Variants in ARFGEF2 observed in about 807,000 individuals in gnomAD.
ARFGEF2 encodes the protein brefeldin A-inhibited guanine nucleotide-exchange protein 2.
ARFGEF2 carries 74 observed loss-of-function variants against 219.9 expected under a neutral mutation model. That is an observed-to-expected ratio of 0.34 (90% confidence interval 0.28 to 0.41). ARFGEF2 has a LOEUF of 0.41. Among genes scored for constraint, ARFGEF2 ranks in the 10% least tolerant of loss-of-function variants. The pLI is 1.00. For missense variants in ARFGEF2, 1,743 were observed against 2,218.3 expected, an observed-to-expected ratio of 0.79 and a Z score of 4.30; for synonymous variants, 733 against 799.2, an observed-to-expected ratio of 0.92 and a Z score of 1.40.
intron 14 of ARFGEF2, among the ~76,000 whole-genome samples, chr20:48,978,076 G>A (rs913473358): frequency 6.6e-6 from 1 of 152,174 alleles, no homozygotes; most frequent in Non-Finnish European, 1.5e-5. Flanking sequence ...GAATGGTATT[G>A]CCTAGGTTTT....
chr20:49,022,355 G>T (rs1323210965), intron 34 of ARFGEF2, among the ~76,000 whole-genome samples: 1 of 151,670 alleles, frequency 6.6e-6, no homozygotes, highest in East Asian at 1.9e-4. Flanking sequence ...TGATATTGTG[G>T]CACAGGAGTT....
intron 28 of ARFGEF2, among the ~76,000 whole-genome samples, chr20:49,012,917 T>G (rs1344346932): frequency 1.3e-5 from 2 of 152,146 alleles, no homozygotes; most frequent in Non-Finnish European, 1.5e-5. Context: ...CAGTACCACT[T>G]CAAGAGTGGT....
intron 25 of ARFGEF2, 132 bp from the exon 26 acceptor site, chr20:49,004,938 T>A (rs2091448605): frequency 3.0e-6 from 3 of 1,013,526 alleles, no homozygotes. Flanking sequence ...AAATAGCATT[T>A]TCTTTTCTCC....
intron 35 of ARFGEF2, among the ~76,000 whole-genome samples, chr20:49,024,515 G>A (rs545313445): frequency 6.6e-6 from 1 of 152,140 alleles, no homozygotes; most frequent in South Asian, 2.1e-4. Context: ...ACAGTTTCTC[G>A]TGTTTCAAGA....
chr20:49,012,063 A>C lies in ARFGEF2; in HGVS notation c.3897A>C (p.Lys1299Asn), dbSNP rs752495010. ...TTCGGCTCATCCGCTTCTGTGGCAA[A>C]TACGTCTCTGAGAGGCCTCGGGTTC... Reference protein sequence around the residue: ...EAIRLIRFCGKYVSERPRVLQ... With the variant: ...EAIRLIRFCGNYVSERPRVLQ... The change falls in exon 28 of 39, where the codon AAA (lysine) becomes AAC (asparagine). Residue 1299 changes from lysine to asparagine, a missense_variant. This residue lies in a region of ARFGEF2 where 578 missense variants were observed against 664.0 expected (regional missense o/e 0.87). Transcript: ENST00000371917. 6.2e-7 allele frequency: 1 copy of C among 1,614,190 alleles called. No homozygotes were observed. Among genetic ancestry groups the C allele is most frequent in the South Asian group, 1.1e-5 (1 of 91,078 alleles).
chr20:48,969,375 C>A, intron 9 of ARFGEF2, 98 bp downstream of exon 9: 1 of 1,605,650 alleles, frequency 6.2e-7, no homozygotes, highest in South Asian at 1.1e-5. Flanking sequence ...GTTTCAGTGT[C>A]ATGTCTCTTT....
chr20:48,995,697 TC>T lies in ARFGEF2; in HGVS notation c.3122-83del, dbSNP rs1318235204. On this transcript the variant is annotated intron_variant, in intron 22 of 38. Coordinates refer to ENST00000371917, the MANE Select transcript of ARFGEF2 (RefSeq NM_006420.3). ...GAGTCATTCCCATTTATGTCCCCTGTCCCTGCGTGTTGACATAACAGGATGC... is the reference window on the plus strand; with the variant it reads ...GAGTCATTCCCATTTATGTCCCCTGTCCTGCGTGTTGACATAACAGGATGC... The T allele has an allele frequency of 1.6e-4, 176 of 1,109,198 alleles. 1 individual carries two copies. Among genetic ancestry groups the T allele is most frequent in the South Asian group, 6.2e-4 (50 of 80,474 alleles). The allele number at this position is 1,109,198 out of a possible 1,614,324, so 68.7% of individuals were successfully genotyped here. A position where few individuals can be genotyped will look rare whatever the true frequency, so the allele number is the denominator to read the frequency against.
chr20:48,929,539 A>G (rs189387368), intron 1 of ARFGEF2, among the ~76,000 whole-genome samples: 14 of 147,384 alleles, frequency 9.5e-5, no homozygotes, highest in Admixed American at 5.7e-4. Flanking sequence ...TTCAGAGGAT[A>G]TGCCCTCTAG....
chr20:49,006,510 G>T (rs975115964), intron 26 of ARFGEF2, among the ~76,000 whole-genome samples: 2 of 152,068 alleles, frequency 1.3e-5, no homozygotes, highest in Non-Finnish European at 2.9e-5. Context: ...GGCTCTGAAG[G>T]ACATTATATA....
At chr20:49,007,436 T>C (rs2091468945) in intron 26 of ARFGEF2, among the ~76,000 whole-genome samples, 1 of 151,940 alleles carries the variant, frequency 6.6e-6, no homozygotes, top group South Asian at 2.1e-4. Context: ...ATTACAGGCA[T>C]GCACCACCAT....
At chr20:48,945,118 A>T (rs1376435022) in intron 3 of ARFGEF2, among the ~76,000 whole-genome samples, 1 of 152,050 alleles carries the variant, frequency 6.6e-6, no homozygotes, top group Non-Finnish European at 1.5e-5. Context: ...TCCTGTCATG[A>T]GGGACCTACC....
chr20:48,978,386 T>C (rs1191650035), intron 14 of ARFGEF2, among the ~76,000 whole-genome samples: 1 of 152,224 alleles, frequency 6.6e-6, no homozygotes, highest in African/African-American at 2.4e-5. Context: ...TGTAGTATAG[T>C]TTGAAGTCAG....
rs140989375 is a variant in ARFGEF2 at position 48,953,647 on chromosome 20, G to T, written c.695G>T (p.Arg232Leu). 1 of 1,614,102 alleles carries T rather than the reference G, an allele frequency of 6.2e-7. No individual in the cohort carries two copies. The highest frequency in any genetic ancestry group is 1.3e-5 in the African/African-American group (1 of 75,006). Residue 232 changes from arginine to leucine, a missense_variant, in exon 6 of 39, where the codon CGT becomes CTT. Around this residue, in one of 5 missense-constraint regions of ARFGEF2, gnomAD observed 394 missense variants for 426.6 expected, o/e 0.92. Transcript: ENST00000371917. ...GCAGCAGTATCCCCAAAGTTCGTTC[G>T]TTTGAAGCACAGTCAGGCACAAAGC... is the stretch of plus-strand genomic sequence containing the variant. ...QAAAVSPKFVRLKHSQAQSKP... is the reference protein window; with the variant it reads ...QAAAVSPKFVLLKHSQAQSKP...
At chr20:48,973,358 TG>T in intron 12 of ARFGEF2, 74 bp downstream of exon 12, 2 of 1,481,856 alleles carry the variant, frequency 1.3e-6, no homozygotes, top group Non-Finnish European at 1.9e-6. Context: ...TGCCACCACA[TG>T]CCAGGCACTG....
chr20:48,959,670 C>T (rs556363192), intron 6 of ARFGEF2, among the ~76,000 whole-genome samples: 11 of 144,630 alleles, frequency 7.6e-5, no homozygotes, highest in African/African-American at 2.8e-4. Context: ...AGTGCAGTGG[C>T]GCAATCTCAA....
At chr20:48,958,538 G>A (rs2091119328) in intron 6 of ARFGEF2, among the ~76,000 whole-genome samples, 1 of 151,546 alleles carries the variant, frequency 6.6e-6, no homozygotes, top group Non-Finnish European at 1.5e-5. Flanking sequence ...CTGGGTTCAC[G>A]CCATTCTCCT....
intron 6 of ARFGEF2, among the ~76,000 whole-genome samples, chr20:48,954,471 C>T (rs1312653997): frequency 6.6e-6 from 1 of 152,168 alleles, no homozygotes; most frequent in East Asian, 1.9e-4. Flanking sequence ...TCAGGAATTT[C>T]CTTTCCCAAG....
intron 23 of ARFGEF2, among the ~76,000 whole-genome samples, chr20:48,997,312 A>G (rs2091398110): frequency 6.6e-6 from 1 of 151,988 alleles, no homozygotes; most frequent in African/African-American, 2.4e-5. Context: ...TCGCTCTATC[A>G]CCCAGTCTGG....
In ARFGEF2 at chr20:49,004,922, G is replaced by A. The variant is rs2091448482; in HGVS notation, c.3433-148G>A. The A allele has an allele frequency of 8.8e-5, 79 of 896,226 alleles. No individual in the cohort carries two copies. In the South Asian group the frequency reaches 1.1e-3, roughly 12 times the overall value. The allele number at this position is 896,226 out of a possible 1,614,324, so 55.5% of individuals were successfully genotyped here. A position where few individuals can be genotyped will look rare whatever the true frequency, so the allele number is the denominator to read the frequency against. On this transcript the variant is annotated intron_variant, in intron 25 of 38. Transcript: ENST00000371917. Reference sequence around the variant, plus strand: ...TTAAAATAAAACTGGACAGATCATAGCCAAGAAATAGCATTTTCTTTTCTC... The same window carrying A: ...TTAAAATAAAACTGGACAGATCATAACCAAGAAATAGCATTTTCTTTTCTC...
Sources: gnomAD v4.1 joint callset for allele counts (sites outside exome capture counted in the v4.1 genomes callset) on GRCh38, gnomAD v4.1.1 for gene constraint, gnomAD v4.1.1 regional missense constraint, MANE v1.5 for transcripts, NCBI Gene and HGNC (gene_info 2026-07-23, HGNC 2026-07-21) for gene names.